Variants in USP34 observed in about 807,000 individuals in gnomAD.
USP34 encodes the protein ubiquitin carboxyl-terminal hydrolase 34.
In USP34, 70 loss-of-function variants were observed where a neutral mutation model predicts 460.3. The observed-to-expected ratio is 0.15, with a 90% confidence interval of 0.13 to 0.19. The LOEUF (loss-of-function observed/expected upper bound fraction) is 0.19. Among genes scored for constraint, USP34 ranks in the 10% least tolerant of loss-of-function variants. The pLI, the probability that USP34 is intolerant of heterozygous loss-of-function variation, is 1.00. For synonymous variants in USP34, 1,647 were observed against 1,405.3 expected (o/e 1.17, Z -3.85); for missense variants, 3,985 against 4,236.2 (o/e 0.94, Z 1.65).
chr2:61,314,770 A>C, intron 24 of USP34, 26 bp from the exon 25 acceptor site: 1 of 1,578,316 alleles, frequency 6.3e-7, no homozygotes, highest in Non-Finnish European at 8.6e-7. Flanking sequence ...TTAGACACAT[A>C]TATTAGCCTT....
intron 2 of USP34, among the ~76,000 whole-genome samples, chr2:61,411,770 A>T (rs1411589816): frequency 6.6e-6 from 1 of 152,208 alleles, no homozygotes; most frequent in Non-Finnish European, 1.5e-5. Flanking sequence ...AACATCTGAG[A>T]TGCCCTGACC....
At chr2:61,203,539 A>G (rs1687032373) in intron 74 of USP34, among the ~76,000 whole-genome samples, 1 of 152,166 alleles carries the variant, frequency 6.6e-6, no homozygotes, top group Non-Finnish European at 1.5e-5. Context: ...CTTTAGCTCT[A>G]CAGACATATC....
At chr2:61,259,820 G>T in intron 43 of USP34, 44 bp from the exon 44 acceptor site, 1 of 1,579,032 alleles carries the variant, frequency 6.3e-7, no homozygotes. Flanking sequence ...AGACATGATG[G>T]TAGTAAATTA....
chr2:61,435,942 C>A (rs538656382), intron 1 of USP34, among the ~76,000 whole-genome samples: 1 of 152,018 alleles, frequency 6.6e-6, no homozygotes, highest in Admixed American at 6.6e-5. Flanking sequence ...GCAGGAGAAT[C>A]GCTTGAACCT....
chr2:61,283,365 T>C (rs1467647418), intron 36 of USP34, 44 bp downstream of exon 36: 2 of 1,579,968 alleles, frequency 1.3e-6, no homozygotes, highest in South Asian at 1.2e-5. Context: ...CAATATATTA[T>C]TCAAGTTTTT....
At chr2:61,410,283 G>A (rs1694000303) in intron 2 of USP34, among the ~76,000 whole-genome samples, 2 of 152,286 alleles carry the variant, frequency 1.3e-5, no homozygotes, top group East Asian at 1.9e-4. Flanking sequence ...AGATCATCAA[G>A]CATTATATTC....
intron 5 of USP34, among the ~76,000 whole-genome samples, chr2:61,388,417 A>C (rs1478216960): frequency 6.6e-6 from 1 of 150,950 alleles, no homozygotes; most frequent in Non-Finnish European, 1.5e-5. Context: ...AAGTTTGAAA[A>C]TATGCATACT....
intron 49 of USP34, among the ~76,000 whole-genome samples, chr2:61,247,459 C>T (rs1688448325): frequency 6.6e-6 from 1 of 152,198 alleles, no homozygotes; most frequent in African/African-American, 2.4e-5. Flanking sequence ...CTGCTCTCTC[C>T]ACAAGTGGAA....
At chr2:61,336,845 A>C (rs1572945812) in intron 18 of USP34, among the ~76,000 whole-genome samples, 1 of 150,882 alleles carries the variant, frequency 6.6e-6, no homozygotes, top group African/African-American at 2.4e-5. Flanking sequence ...AAAACAAAAA[A>C]CCTCAATCCT....
intron 8 of USP34, among the ~76,000 whole-genome samples, chr2:61,375,161 T>C (rs1692754262): frequency 6.6e-6 from 1 of 152,118 alleles, no homozygotes; most frequent in Admixed American, 6.6e-5. Context: ...TCTACATCAT[T>C]AATAATTAGG....
chr2:61,392,433 G>T (rs1429144200), intron 5 of USP34, among the ~76,000 whole-genome samples: 2 of 152,144 alleles, frequency 1.3e-5, no homozygotes, highest in Non-Finnish European at 2.9e-5. Context: ...AGACCAGCCT[G>T]GACAACATGG....
intron 69 of USP34, among the ~76,000 whole-genome samples, chr2:61,211,258 T>C (rs1489544227): frequency 1.3e-5 from 2 of 152,238 alleles, no homozygotes; most frequent in African/African-American, 2.4e-5. Context: ...GCCTGAACTT[T>C]ATTTCTCTAG....
At chr2:61,232,306 A>G in intron 58 of USP34, 146 bp downstream of exon 58, 2 of 680,428 alleles carry the variant, frequency 2.9e-6, no homozygotes, top group South Asian at 4.0e-5. Context: ...TGAAACCAAC[A>G]ACAAAATGAC....
chr2:61,195,048 C>T (rs911706018), intron 75 of USP34, among the ~76,000 whole-genome samples: 6 of 151,564 alleles, frequency 4.0e-5, no homozygotes, highest in East Asian at 1.9e-4. Flanking sequence ...AATGAAACCC[C>T]GTCTCTACTA....
chr2:61,464,542 C>T (rs1469077263), intron 1 of USP34, among the ~76,000 whole-genome samples: 1 of 151,912 alleles, frequency 6.6e-6, no homozygotes, highest in African/African-American at 2.4e-5. Flanking sequence ...ACTTGGTAAA[C>T]TATAACCCAC....
chr2:61,284,490 A>T (rs1253921038), intron 35 of USP34, among the ~76,000 whole-genome samples: 1 of 152,206 alleles, frequency 6.6e-6, no homozygotes, highest in Non-Finnish European at 1.5e-5. Flanking sequence ...GAATACCAAT[A>T]GGATTATTTT....
At chr2:61,223,019 A>T in intron 64 of USP34, 41 bp downstream of exon 64, 6 of 1,542,864 alleles carry the variant, frequency 3.9e-6, no homozygotes, top group Non-Finnish European at 4.4e-6. Context: ...ATTCTTTTTT[A>T]AAATTTCCAA....
At chr2:61,346,859 C>T (rs1189121412) in intron 15 of USP34, among the ~76,000 whole-genome samples, 1 of 138,644 alleles carries the variant, frequency 7.2e-6, no homozygotes, top group Non-Finnish European at 1.5e-5. Context: ...AAAAAAAGGC[C>T]GGGCCTGGTG....
At chr2:61,373,032 T>C (rs999577463) in intron 8 of USP34, among the ~76,000 whole-genome samples, 73 of 152,294 alleles carry the variant, frequency 4.8e-4, no homozygotes, top group African/African-American at 1.7e-3. Flanking sequence ...ATAAGATTAA[T>C]AGCTAACTTC....
Sources: gnomAD v4.1 joint callset for allele counts (sites outside exome capture counted in the v4.1 genomes callset) on GRCh38, gnomAD v4.1.1 for gene constraint, MANE v1.5 for transcripts, NCBI Gene and HGNC (gene_info 2026-07-23, HGNC 2026-07-21) for gene names.